Variants in MLLT3 observed in about 807,000 individuals in gnomAD.
MLLT3 encodes the protein MLLT3 super elongation complex subunit.
Under a neutral mutation model 53.2 loss-of-function variants are expected in MLLT3, and 4 were observed. That is an observed-to-expected ratio of 0.08 (90% confidence interval 0.04 to 0.17). The LOEUF (loss-of-function observed/expected upper bound fraction) is 0.17, where lower values mean the gene tolerates loss of function less well. Among genes scored for constraint, MLLT3 ranks in the 10% least tolerant of loss-of-function variants. The pLI, the probability that MLLT3 is intolerant of heterozygous loss-of-function variation, is 1.00. For synonymous variants in MLLT3, 283 were observed against 230.6 expected (o/e 1.23, Z -2.06); for missense variants, 569 against 684.0 (o/e 0.83, Z 1.87).
intron 4 of MLLT3, among the ~76,000 whole-genome samples, chr9:20,444,868 T>C (rs1823655467): frequency 6.6e-6 from 1 of 151,552 alleles, no homozygotes; most frequent in Non-Finnish European, 1.5e-5. Flanking sequence ...TAAGACCCTA[T>C]CTCAAAAAAT....
chr9:20,467,760 GAAGA>G (rs1249464848), intron 2 of MLLT3, among the ~76,000 whole-genome samples: 1 of 152,164 alleles, frequency 6.6e-6, no homozygotes, highest in Non-Finnish European at 1.5e-5. Context: ...GACTAAATAC[GAAGA>G]AAGAGGAGGA....
In MLLT3 at chr9:20,423,732, A is replaced by C. The variant is rs1390989644; in HGVS notation, c.421-9307T>G. Among the ~76,000 whole-genome samples, 3 of 151,786 alleles carry C rather than the reference A, an allele frequency of 2.0e-5. No individual in the cohort carries two copies. The South Asian group carries it at 6.3e-4, about 32-fold the overall frequency. On this transcript the variant is annotated intron_variant, in intron 4 of 10. Coordinates refer to ENST00000380338, the MANE Select transcript of MLLT3 (RefSeq NM_004529.4). Reference sequence around the variant, plus strand: ...AGGAGGCTAAGGCGGGTGGATATTGAGCTCAGGAGTTTGAGACCAGCCTGG... The same window carrying C: ...AGGAGGCTAAGGCGGGTGGATATTGCGCTCAGGAGTTTGAGACCAGCCTGG...
At chr9:20,389,419 G>A (rs1418255852) in intron 5 of MLLT3, among the ~76,000 whole-genome samples, 2 of 152,112 alleles carry the variant, frequency 1.3e-5, no homozygotes, top group South Asian at 2.1e-4. Flanking sequence ...GTTTATTTTG[G>A]GGCCAGTGAA....
intron 2 of MLLT3, among the ~76,000 whole-genome samples, chr9:20,495,376 A>G (rs1310789673): frequency 6.6e-6 from 1 of 152,212 alleles, no homozygotes; most frequent in Admixed American, 6.5e-5. Flanking sequence ...CAGTCTGCAC[A>G]TTAAAGTTTG....
intron 2 of MLLT3, among the ~76,000 whole-genome samples, chr9:20,576,433 T>A (rs1018266395): frequency 1.3e-5 from 2 of 152,228 alleles, no homozygotes; most frequent in African/African-American, 4.8e-5. Flanking sequence ...TTTGGCCATC[T>A]TGGCTTTTGA....
chr9:20,487,692 T>C (rs1824849083), intron 2 of MLLT3, among the ~76,000 whole-genome samples: 1 of 152,142 alleles, frequency 6.6e-6, no homozygotes, highest in African/African-American at 2.4e-5. Flanking sequence ...CTTACCAAAT[T>C]AATTTTAAAG....
intron 8 of MLLT3, among the ~76,000 whole-genome samples, chr9:20,357,974 C>G (rs1335128600): frequency 2.8e-5 from 4 of 142,942 alleles, no homozygotes; most frequent in Non-Finnish European, 4.5e-5. Flanking sequence ...TTCTCCCTCC[C>G]TCCTGCGCAC....
chr9:20,566,757 A>T (rs1174317182), intron 2 of MLLT3, among the ~76,000 whole-genome samples: 8 of 152,158 alleles, frequency 5.3e-5, no homozygotes, highest in Non-Finnish European at 1.0e-4. Context: ...CTGTGTCCTT[A>T]CATATGCTTG....
chr9:20,584,586 A>G (rs1383197861), intron 2 of MLLT3, among the ~76,000 whole-genome samples: 1 of 152,214 alleles, frequency 6.6e-6, no homozygotes, highest in Non-Finnish European at 1.5e-5. Context: ...CACTTCATAC[A>G]TGGCAGCAGC....
chr9:20,479,629 T>C (rs779548811), intron 2 of MLLT3, among the ~76,000 whole-genome samples: 1 of 152,106 alleles, frequency 6.6e-6, no homozygotes, highest in Non-Finnish European at 1.5e-5. Context: ...TTCAGGTGAG[T>C]CAAAAATTTC....
At chr9:20,598,957 T>C (rs1378433218) in intron 2 of MLLT3, among the ~76,000 whole-genome samples, 1 of 152,244 alleles carries the variant, frequency 6.6e-6, no homozygotes, top group African/African-American at 2.4e-5. Flanking sequence ...CAATATTCAA[T>C]GATTAAGAGA....
intron 10 of MLLT3, among the ~76,000 whole-genome samples, chr9:20,348,567 G>A (rs1820934642): frequency 6.6e-6 from 1 of 152,168 alleles, no homozygotes; most frequent in South Asian, 2.1e-4. Flanking sequence ...CTCGACCACG[G>A]ATTACTTACC....
chr9:20,598,243 G>T (rs1820326644), intron 2 of MLLT3, among the ~76,000 whole-genome samples: 1 of 152,138 alleles, frequency 6.6e-6, no homozygotes, highest in Non-Finnish European at 1.5e-5. Context: ...CTATATAAAT[G>T]GAAACATTAC....
chr9:20,563,763 T>A (rs1338397263), intron 2 of MLLT3, among the ~76,000 whole-genome samples: 2 of 152,160 alleles, frequency 1.3e-5, no homozygotes, highest in African/African-American at 2.4e-5. Flanking sequence ...ATTTCTGTAC[T>A]TGACCTTCTT....
At chr9:20,551,074 C>G (rs757651617) in intron 2 of MLLT3, among the ~76,000 whole-genome samples, 1 of 152,210 alleles carries the variant, frequency 6.6e-6, no homozygotes, top group Non-Finnish European at 1.5e-5. Context: ...ACAAAGTTTT[C>G]TTTAAATGGC....
At chr9:20,429,929 G>C (rs753549361) in intron 4 of MLLT3, among the ~76,000 whole-genome samples, 2 of 152,144 alleles carry the variant, frequency 1.3e-5, no homozygotes, top group East Asian at 3.9e-4. Context: ...TGCACTGGGG[G>C]GAAAAGGATA....
chr9:20,552,260 C>T (rs748073455), intron 2 of MLLT3, among the ~76,000 whole-genome samples: 2 of 152,132 alleles, frequency 1.3e-5, no homozygotes, highest in Non-Finnish European at 2.9e-5. Context: ...TGGAAGCATT[C>T]GTAATCCTAT....
intron 10 of MLLT3, among the ~76,000 whole-genome samples, chr9:20,349,962 C>T (rs1346132399): frequency 1.3e-5 from 2 of 152,162 alleles, no homozygotes; most frequent in African/African-American, 4.8e-5. Context: ...GAATTATTTG[C>T]CAAAGGGAAT....
At position 20,344,361 on chromosome 9, in the gene MLLT3, A is replaced by G. The variant is rs1820812118; in HGVS notation, c.*2082T>C. 4.9e-6 allele frequency: 1 copy of G among 203,740 alleles called. No homozygotes were observed. Among genetic ancestry groups the G allele is most frequent in the Non-Finnish European group, 1.0e-5 (1 of 99,386 alleles). 12.6% of individuals were successfully genotyped at this position (203,740 alleles called of 1,614,324 possible). ...CATAAACTTCTGGCTTGATCAGAAT[A>G]TGTGTTAGCAGTTAGAAATTTTAAA... On this transcript the variant is annotated 3_prime_UTR_variant, in exon 11 of 11. Transcript: ENST00000380338.
Sources: gnomAD v4.1 joint callset for allele counts (sites outside exome capture counted in the v4.1 genomes callset) on GRCh38, gnomAD v4.1.1 for gene constraint, MANE v1.5 for transcripts, NCBI Gene and HGNC (gene_info 2026-07-23, HGNC 2026-07-21) for gene names.